The following GRID2 variants were observed in gnomAD, a reference collection of about 807,000 sequenced individuals.
The protein encoded by GRID2 is glutamate receptor ionotropic, delta-2.
A neutral mutation model predicts 114.8 loss-of-function variants in GRID2; 33 were observed. That is an observed-to-expected ratio of 0.29 (90% CI 0.22 to 0.38). GRID2 has a LOEUF of 0.38. Ranked by LOEUF, GRID2 falls within the 10% of genes least tolerant of loss-of-function variation. The pLI, the probability that GRID2 is intolerant of heterozygous loss-of-function variation, is 1.00. For synonymous variants in GRID2, 505 were observed against 449.9 expected (o/e 1.12, Z -1.55); for missense variants, 1,184 against 1,257.7 (o/e 0.94, Z 0.89).
intron 1 of GRID2, among the ~76,000 whole-genome samples, chr4:92,339,738 G>T (rs1727377564): frequency 1.3e-5 from 2 of 152,030 alleles, no homozygotes; most frequent in Admixed American, 1.3e-4. Flanking sequence ...CACTGTTATG[G>T]ATCCTACTGA....
chr4:93,376,175 C>A (rs987460807), intron 8 of GRID2, among the ~76,000 whole-genome samples: 1 of 152,012 alleles, frequency 6.6e-6, no homozygotes, highest in African/African-American at 2.4e-5. Flanking sequence ...GGGGTTAGGG[C>A]GTCAACACCT....
chr4:92,553,282 A>G (rs914143448), intron 1 of GRID2, among the ~76,000 whole-genome samples: 1 of 151,310 alleles, frequency 6.6e-6, no homozygotes, highest in African/African-American at 2.4e-5. Context: ...AATTTTTATA[A>G]TGTGTTTTGA....
At chr4:92,701,708 T>C (rs1350547562) in intron 2 of GRID2, among the ~76,000 whole-genome samples, 2 of 152,252 alleles carry the variant, frequency 1.3e-5, no homozygotes, top group African/African-American at 4.8e-5. Flanking sequence ...CCAGGACATA[T>C]TTTCTTGCCT....
intron 11 of GRID2, among the ~76,000 whole-genome samples, chr4:93,477,571 C>T (rs1439410691): frequency 6.6e-6 from 1 of 152,112 alleles, no homozygotes; most frequent in Non-Finnish European, 1.5e-5. Flanking sequence ...CTTCTAATTT[C>T]AATGTCATTT....
chr4:93,215,571 G>A (rs1744110469), intron 5 of GRID2, among the ~76,000 whole-genome samples: 1 of 151,894 alleles, frequency 6.6e-6, no homozygotes, highest in Admixed American at 6.6e-5. Context: ...CCATTTTTAT[G>A]GAACATTAAG....
intron 14 of GRID2, among the ~76,000 whole-genome samples, chr4:93,633,394 A>T (rs944588421): frequency 1.3e-5 from 2 of 152,068 alleles, no homozygotes; most frequent in Admixed American, 1.3e-4. Context: ...GATACTTCTT[A>T]CACTTTACCT....
At chr4:92,910,454 A>G (rs1293511090) in intron 2 of GRID2, among the ~76,000 whole-genome samples, 1 of 152,182 alleles carries the variant, frequency 6.6e-6, no homozygotes, top group African/African-American at 2.4e-5. Flanking sequence ...CATTTGATTT[A>G]CATGATTTTA....
At chr4:93,319,208 T>G in intron 8 of GRID2, among the ~76,000 whole-genome samples, 1 of 152,076 alleles carries the variant, frequency 6.6e-6, no homozygotes, top group African/African-American at 2.4e-5. Flanking sequence ...CACACACACA[T>G]GTAATGAGCA....
intron 8 of GRID2, among the ~76,000 whole-genome samples, chr4:93,357,588 T>G (rs1761469443): frequency 6.6e-6 from 1 of 151,550 alleles, no homozygotes; most frequent in African/African-American, 2.4e-5. Context: ...TTTATATTGC[T>G]ACAAAATATT....
At chr4:92,996,478 C>A (rs568513264) in intron 2 of GRID2, among the ~76,000 whole-genome samples, 6 of 152,150 alleles carry the variant, frequency 3.9e-5, no homozygotes, top group Admixed American at 1.3e-4. Context: ...AAGACATAAA[C>A]CTCAAATCTG....
intron 2 of GRID2, among the ~76,000 whole-genome samples, chr4:92,764,785 G>T (rs775467547): frequency 6.6e-6 from 1 of 152,028 alleles, no homozygotes; most frequent in Admixed American, 6.6e-5. Context: ...CTGTTGACTG[G>T]AAATATCTAT....
chr4:93,236,836 C>T (rs1746854585), intron 7 of GRID2, among the ~76,000 whole-genome samples: 1 of 151,906 alleles, frequency 6.6e-6, no homozygotes, highest in South Asian at 2.1e-4. Flanking sequence ...TTTGGCAAAC[C>T]CACTGAATTT....
At chr4:93,398,749 GT>G (rs35307252) in intron 9 of GRID2, among the ~76,000 whole-genome samples, 22,764 of 115,884 alleles carry the variant, frequency 0.2, 2,557 homozygotes, top group African/African-American at 0.39. Context: ...TGGAAGCAGT[GT>G]TTTTTTTTTT....
chr4:92,652,403 C>T (rs895184548), intron 2 of GRID2, among the ~76,000 whole-genome samples: 3 of 151,878 alleles, frequency 2.0e-5, no homozygotes, highest in Middle Eastern at 3.4e-3. Context: ...TAGCCAAGCA[C>T]GATGGCTCAT....
intron 2 of GRID2, among the ~76,000 whole-genome samples, chr4:92,792,767 T>C (rs1207576192): frequency 6.6e-6 from 1 of 151,904 alleles, no homozygotes; most frequent in African/African-American, 2.4e-5. Context: ...AAAAAGTTAC[T>C]ATATTTTAAT....
intron 13 of GRID2, among the ~76,000 whole-genome samples, chr4:93,554,903 G>A (rs1468942227): frequency 1.3e-5 from 2 of 152,068 alleles, no homozygotes; most frequent in African/African-American, 2.4e-5. Flanking sequence ...TCCAACTGAG[G>A]TACTCGGCTC....
chr4:93,330,693 G>A lies in GRID2; in HGVS notation c.1246-64914G>A, dbSNP rs563071500. ...GATGCACTTTGTCTTCCATATATCTGTTTAGATGAGTCTGTATACACACAA... is the reference window on the plus strand; with the variant it reads ...GATGCACTTTGTCTTCCATATATCTATTTAGATGAGTCTGTATACACACAA... On this transcript the variant is annotated intron_variant, in intron 8 of 15. Coordinates refer to ENST00000282020, the MANE Select transcript of GRID2 (RefSeq NM_001510.4). Among the ~76,000 whole-genome samples the A allele has an allele frequency of 6.6e-5, 10 of 152,200 alleles. 1 individual carries two copies. The South Asian group carries it at 1.9e-3, about 28-fold the overall frequency.
At chr4:92,675,550 A>AGTTTTTTTTT (rs1733303560) in intron 2 of GRID2, among the ~76,000 whole-genome samples, 2 of 139,992 alleles carry the variant, frequency 1.4e-5, no homozygotes, top group Non-Finnish European at 3.1e-5. Context: ...TTTGGGCTAC[A>AGTTTTTTTTT]ATTTTTTTTT....
At chr4:93,615,928 TC>T (rs1303714750) in intron 13 of GRID2, among the ~76,000 whole-genome samples, 9 of 152,190 alleles carry the variant, frequency 5.9e-5, no homozygotes, top group Non-Finnish European at 1.3e-4. Flanking sequence ...TTTACTGTAT[TC>T]TTTTCTGCAT....
Sources: allele counts gnomAD v4.1 joint callset (sites outside exome capture counted in the v4.1 genomes callset), GRCh38; gene constraint gnomAD v4.1.1; transcripts MANE v1.5; gene names NCBI Gene and HGNC (gene_info 2026-07-23, HGNC 2026-07-21).